The following CDH2 variants were observed in gnomAD, a reference collection of about 807,000 sequenced individuals.
The protein encoded by CDH2 is cadherin-2.
Under a neutral mutation model 92.0 loss-of-function variants are expected in CDH2, and 17 were observed. The ratio of observed to expected loss-of-function variants is 0.18; its 90% CI spans 0.13 to 0.28. The LOEUF (loss-of-function observed/expected upper bound fraction) is 0.28, where lower values mean the gene tolerates loss of function less well. Among genes scored for constraint, CDH2 ranks in the 10% least tolerant of loss-of-function variants. The probability of loss-of-function intolerance (pLI) is 1.00; values close to 1 mark genes in which losing one functional copy is unlikely to be tolerated. For missense variants in CDH2, 862 were observed against 1,133.1 expected, an observed-to-expected ratio of 0.76 and a Z score of 3.44; for synonymous variants, 419 against 415.9, an observed-to-expected ratio of 1.01 and a Z score of -0.09.
chr18:28,069,538 AC>A (rs1199999557), intron 2 of CDH2, among the ~76,000 whole-genome samples: 2 of 152,120 alleles, frequency 1.3e-5, no homozygotes, highest in Non-Finnish European at 2.9e-5. Flanking sequence ...TTTCCAGGGT[AC>A]CTTAGCCTTT....
chr18:27,964,489 CA>C (rs1202940000), intron 14 of CDH2, among the ~76,000 whole-genome samples: 1 of 152,182 alleles, frequency 6.6e-6, no homozygotes, highest in Non-Finnish European at 1.5e-5. Flanking sequence ...AACATTCTTT[CA>C]ATTCAAAACT....
intron 2 of CDH2, among the ~76,000 whole-genome samples, chr18:28,133,254 C>T (rs2015802349): frequency 6.6e-6 from 1 of 152,144 alleles, no homozygotes; most frequent in Non-Finnish European, 1.5e-5. Flanking sequence ...AGGATTACCA[C>T]TTTTGCAGGG....
chr18:28,020,199 A>C (rs1221387156), intron 2 of CDH2, among the ~76,000 whole-genome samples: 1 of 152,082 alleles, frequency 6.6e-6, no homozygotes. Context: ...ACAAACACTA[A>C]AACTTACTCA....
chr18:28,010,739 G>C (rs976797492), intron 4 of CDH2, among the ~76,000 whole-genome samples: 1 of 151,194 alleles, frequency 6.6e-6, no homozygotes, highest in Non-Finnish European at 1.5e-5. Flanking sequence ...GCATGATCTC[G>C]GCTCACTGCA....
intron 2 of CDH2, among the ~76,000 whole-genome samples, chr18:28,134,154 A>G (rs79347202): frequency 6.6e-6 from 1 of 151,436 alleles, no homozygotes; most frequent in Admixed American, 6.6e-5. Context: ...AAAAAAAAAA[A>G]AAAGACTTGG....
intron 2 of CDH2, among the ~76,000 whole-genome samples, chr18:28,066,388 C>T (rs1479525121): frequency 6.6e-6 from 1 of 151,980 alleles, no homozygotes; most frequent in East Asian, 1.9e-4. Flanking sequence ...TTTAAGGTTG[C>T]CACCTTTAGC....
chr18:28,040,631 T>C lies in CDH2; in HGVS notation c.173-26722A>G, dbSNP rs577055040. Among the ~76,000 whole-genome samples the C allele has an allele frequency of 9.2e-4, 140 of 152,214 alleles. 1 individual carries two copies. Among genetic ancestry groups the C allele is most frequent in the Non-Finnish European group, 1.5e-3 (100 of 68,006 alleles). The stretch of plus-strand genomic sequence containing the variant: ...CAGATGCAGAGAGCAGAGCAAACAA[T>C]ATAAAGTAGATGCTGAAAAAACACA... On this transcript the variant is annotated intron_variant, in intron 2 of 15. Transcript: ENST00000269141.
chr18:27,943,972 G>C (rs1909204673), intron 6 of CDH2, among the ~76,000 whole-genome samples: 1 of 152,104 alleles, frequency 6.6e-6, no homozygotes, highest in South Asian at 2.1e-4. Context: ...TGTGGTGGTT[G>C]ATGCTTTTTT....
At position 27,951,426 on chromosome 18, in the gene CDH2, T is replaced by G. The variant is rs1266805610; in HGVS notation, c.*727A>C. 3 of 152,446 alleles carry G rather than the reference T, an allele frequency of 2.0e-5. No individual in the cohort carries two copies. Among genetic ancestry groups the G allele is most frequent in the African/African-American group, 7.2e-5 (3 of 41,410 alleles). 9.4% of individuals were successfully genotyped at this position (152,446 alleles called of 1,614,324 possible). The stretch of plus-strand genomic sequence containing the variant: ...GAAGTTTCTGCACTTCTCCATAGAC[T>G]ATGCCAATAAAACATTATGTACACA... On this transcript the variant is annotated 3_prime_UTR_variant, in exon 16 of 16. Transcript: ENST00000269141.
intron 6 of CDH2, among the ~76,000 whole-genome samples, chr18:27,940,587 T>A (rs974887546): frequency 7.2e-5 from 11 of 152,212 alleles, no homozygotes; most frequent in Admixed American, 3.3e-4. Context: ...TTTTCCACCC[T>A]GAGACTAATG....
chr18:27,981,373 T>C (rs2012048165), intron 14 of CDH2, among the ~76,000 whole-genome samples: 1 of 152,216 alleles, frequency 6.6e-6, no homozygotes, highest in Non-Finnish European at 1.5e-5. Flanking sequence ...TTCAGAGACA[T>C]TTATAAGCAA....
At chr18:27,965,170 C>T (rs1567940286) in intron 14 of CDH2, among the ~76,000 whole-genome samples, 1 of 152,160 alleles carries the variant, frequency 6.6e-6, no homozygotes, top group African/African-American at 2.4e-5. Context: ...GAATCAAAAC[C>T]ATGAGTGTCT....
intron 2 of CDH2, among the ~76,000 whole-genome samples, chr18:28,142,662 C>G (rs536126339): frequency 2.1e-4 from 32 of 151,988 alleles, no homozygotes; most frequent in African/African-American, 7.0e-4. Context: ...TCATCAATAT[C>G]CAAGAGAACA....
intron 2 of CDH2, among the ~76,000 whole-genome samples, chr18:28,099,610 A>T (rs1400483712): frequency 6.6e-6 from 1 of 152,180 alleles, no homozygotes; most frequent in Admixed American, 6.6e-5. Context: ...GTAAGGGCAA[A>T]ACCAACCAAA....
At chr18:27,988,798 A>C in intron 10 of CDH2, 132 bp from the exon 11 acceptor site, 1 of 670,774 alleles carries the variant, frequency 1.5e-6, no homozygotes, top group Non-Finnish European at 2.6e-6. Flanking sequence ...TACAGCTTTA[A>C]CAGGAAAAAG....
At chr18:28,036,407 T>C in intron 2 of CDH2, 1 of 813,990 alleles carries the variant, frequency 1.2e-6, no homozygotes, top group East Asian at 2.4e-5. Flanking sequence ...CATTTTATGT[T>C]ACTTTGTTTT....
intron 2 of CDH2, among the ~76,000 whole-genome samples, chr18:28,106,473 G>GTTTTTTTTTTTTTTTT (rs34443556): frequency 6.8e-6 from 1 of 146,788 alleles, no homozygotes; most frequent in Non-Finnish European, 1.5e-5. Context: ...ACTTACCAGA[G>GTTTTTTTTTTTTTTTT]TTTTTTTTTT....
At chr18:27,979,323 A>T (rs1484507524) in intron 14 of CDH2, among the ~76,000 whole-genome samples, 1 of 152,236 alleles carries the variant, frequency 6.6e-6, no homozygotes, top group Non-Finnish European at 1.5e-5. Context: ...ACTGAAAAAA[A>T]TCCAAGTGCT....
At chr18:27,942,507 T>G (rs994683736) in intron 6 of CDH2, among the ~76,000 whole-genome samples, 2 of 152,152 alleles carry the variant, frequency 1.3e-5, no homozygotes, top group Non-Finnish European at 2.9e-5. Flanking sequence ...CTAGGGAGAA[T>G]CATACCAGTC....
Sources: gnomAD v4.1 joint callset for allele counts (sites outside exome capture counted in the v4.1 genomes callset) on GRCh38, gnomAD v4.1.1 for gene constraint, MANE v1.5 for transcripts, NCBI Gene and HGNC (gene_info 2026-07-23, HGNC 2026-07-21) for gene names.